SBK1: variants seen among roughly 807,000 people sequenced by gnomAD.
SBK1 encodes serine/threonine-protein kinase SBK1.
A neutral mutation model predicts 24.4 loss-of-function variants in SBK1; 11 were observed. The ratio of observed to expected loss-of-function variants is 0.45; its 90% CI spans 0.28 to 0.75. SBK1 has a LOEUF of 0.75. Ranked by LOEUF, SBK1 falls within the 30% of genes least tolerant of loss-of-function variation. The pLI is 0.12. For synonymous variants in SBK1, 308 were observed against 284.4 expected, an observed-to-expected ratio of 1.08 and a Z score of -0.83; for missense variants, 467 against 620.5, an observed-to-expected ratio of 0.75 and a Z score of 2.63.
chr16:28,275,302 C>A (rs902801942), intron 1 of SBK1, among the ~76,000 whole-genome samples: 2 of 152,122 alleles, frequency 1.3e-5, no homozygotes, highest in Non-Finnish European at 2.9e-5. Flanking sequence ...GAGCGAGACT[C>A]CATCTCTTAA....
upstream of SBK1, chr16:28,292,380 A>T (rs892763076): frequency 1.6e-5 from 2 of 126,022 alleles, no homozygotes; most frequent in South Asian, 3.3e-4. Context: ...GCGCGGCGGG[A>T]GGGCGGGCGC....
chr16:28,309,323 G>C (rs1253553958), intron 1 of SBK1, among the ~76,000 whole-genome samples: 2 of 152,226 alleles, frequency 1.3e-5, no homozygotes, highest in Non-Finnish European at 2.9e-5. Context: ...CTGGATGCAA[G>C]GGAGGCAACG....
chr16:28,319,725 G>A lies in SBK1; in HGVS notation c.430-351G>A, dbSNP rs954413374. Among the ~76,000 whole-genome samples the A allele has an allele frequency of 3.9e-5, 6 of 152,132 alleles. No homozygotes were observed. The highest frequency in any genetic ancestry group is 1.9e-4 in the East Asian group (1 of 5,190). On this transcript the variant is annotated intron_variant, in intron 3 of 3. Coordinates refer to ENST00000341901, the MANE Select transcript of SBK1 (RefSeq NM_001024401.3). This position sits in a 1 kb window ranked among gnomAD's most constrained non-coding sequence, Gnocchi z 4.0. ...CAGGACGGGAAGCTCAGGGAGCCCC[G>A]TTCTAGTTGGGGAAGACCGACGAGA...
intron 1 of SBK1, among the ~76,000 whole-genome samples, chr16:28,315,540 C>T (rs2044788662): frequency 6.6e-6 from 1 of 152,102 alleles, no homozygotes. Flanking sequence ...GTGGAAGGAT[C>T]GCTTGATCTC....
At chr16:28,305,801 A>G (rs2044712665) in intron 1 of SBK1, among the ~76,000 whole-genome samples, 1 of 152,104 alleles carries the variant, frequency 6.6e-6, no homozygotes, top group Non-Finnish European at 1.5e-5. Flanking sequence ...TCAGCCTCCC[A>G]AAGTGCTGGG....
At position 28,279,100 on chromosome 16, in the gene SBK1, G is replaced by A. The variant is rs142324229; in HGVS notation, c.257+19598G>A. Among the ~76,000 whole-genome samples, 206 of 152,082 alleles carry A rather than the reference G, an allele frequency of 1.4e-3. 1 individual carries two copies. Among genetic ancestry groups the A allele is most frequent in the Middle Eastern group, 6.8e-3 (2 of 294 alleles). On this transcript the variant is annotated intron_variant, in intron 1 of 3. Transcript: ENST00000671413. Reference sequence around the variant, plus strand: ...TGTGCACCTGTAATCCCAGCTATGCGGGAGGCTGAGGCAGGAGAATCACTT... The same window carrying A: ...TGTGCACCTGTAATCCCAGCTATGCAGGAGGCTGAGGCAGGAGAATCACTT...
At chr16:28,297,073 T>G (rs1338697743) in intron 1 of SBK1, among the ~76,000 whole-genome samples, 1 of 152,180 alleles carries the variant, frequency 6.6e-6, no homozygotes, top group African/African-American at 2.4e-5. Context: ...CTCACACCTG[T>G]AATCCCACCA....
chr16:28,295,906 A>C (rs917332106), intron 1 of SBK1, among the ~76,000 whole-genome samples: 1 of 148,100 alleles, frequency 6.8e-6, no homozygotes, highest in South Asian at 2.1e-4. Context: ...CTGGGTTTGC[A>C]GGCCCAGAAA....
Position 28,317,295 on chromosome 16 carries a change from A to T in SBK1, c.-7-90A>T. On this transcript the variant is annotated intron_variant, in intron 1 of 3. Coordinates refer to ENST00000341901, the MANE Select transcript of SBK1 (RefSeq NM_001024401.3). The surrounding 1 kb of genome is among the most constrained non-coding windows in gnomAD (Gnocchi z 4.2). ...GGCCTGGCATCCGGGCCCATCCTCA[A>T]GTTTTCTGGGTTCTGGGGAGGGCAG... 1.0e-6 allele frequency: 1 copy of T among 985,622 alleles called. No homozygotes were observed. The highest frequency in any genetic ancestry group is 1.5e-6 in the Non-Finnish European group (1 of 652,662). The allele number at this position is 985,622 out of a possible 1,614,324, so 61.1% of individuals were successfully genotyped here.
At chr16:28,302,252 G>T (rs773647113) in intron 1 of SBK1, among the ~76,000 whole-genome samples, 46 of 152,372 alleles carry the variant, frequency 3.0e-4, no homozygotes, top group Non-Finnish European at 5.3e-4. Context: ...CAACAGCAGA[G>T]GCCAGAGTCT....
At position 28,293,569 on chromosome 16, in the gene SBK1, A is replaced by T. The variant is rs1299579803; in HGVS notation, c.-8+269A>T. Among the ~76,000 whole-genome samples the T allele has an allele frequency of 2.7e-5, 4 of 150,080 alleles. No homozygotes were observed. The East Asian group carries it at 8.0e-4, about 30-fold the overall frequency. On this transcript the variant is annotated intron_variant, in intron 1 of 3. Transcript: ENST00000341901. ...TGGTGGAGCCCGTTGTGCCATGGAG[A>T]GGGGGGAAGAGGGCGGAGAGTCCCC...
intron 1 of SBK1, among the ~76,000 whole-genome samples, chr16:28,309,765 C>A (rs995209050): frequency 1.7e-4 from 26 of 152,162 alleles, no homozygotes; most frequent in Non-Finnish European, 3.4e-4. Context: ...AGCACCCCCC[C>A]TTCTCAGGGG....
chr16:28,271,944 A>C (rs2044468069), intron 1 of SBK1, among the ~76,000 whole-genome samples: 1 of 152,234 alleles, frequency 6.6e-6, no homozygotes, highest in African/African-American at 2.4e-5. Context: ...CTTGGTATTT[A>C]CCCAAATAAG....
intron 1 of SBK1, among the ~76,000 whole-genome samples, chr16:28,280,147 ATATGTGTGTGTG>A (rs1391828882): frequency 4.1e-5 from 2 of 48,380 alleles, no homozygotes; most frequent in African/African-American, 1.2e-4. Flanking sequence ...ATATATATAT[ATATGTGTGTGTG>A]TGTGTGTGTG....
chr16:28,280,149 A>ATATATATATATGTGTGTGTGTGTGTG (rs1230385223), intron 1 of SBK1, among the ~76,000 whole-genome samples: 6 of 39,414 alleles, frequency 1.5e-4, no homozygotes, highest in Admixed American at 3.8e-4. Flanking sequence ...ATATATATAT[A>ATATATATATATGTGTGTGTGTGTGTG]TGTGTGTGTG....
At chr16:28,307,109 G>A (rs779757985) in intron 1 of SBK1, among the ~76,000 whole-genome samples, 7 of 152,186 alleles carry the variant, frequency 4.6e-5, no homozygotes, top group Admixed American at 1.3e-4. Context: ...AGTAACAGCG[G>A]CCGCTGTGAA....
Position 28,259,503 on chromosome 16 carries a change from G to A in SBK1, c.257+1G>A. On this transcript the variant is annotated splice_donor_variant, in intron 1 of 3. Transcript: ENST00000671413. LOFTEE classifies it high-confidence loss of function. This position sits in a 1 kb window ranked among gnomAD's most constrained non-coding sequence, Gnocchi z 6.0. Reference sequence around the variant, plus strand: ...TGCTGGAAGAAGTCCCATTGCGGAGGTCAGTGCTCGTGGGTGGCCAGTGGG... The same window carrying A: ...TGCTGGAAGAAGTCCCATTGCGGAGATCAGTGCTCGTGGGTGGCCAGTGGG... The A allele has an allele frequency of 1.0e-6, 1 of 979,230 alleles. No individual in the cohort carries two copies. Among genetic ancestry groups the A allele is most frequent in the Non-Finnish European group, 1.2e-6 (1 of 824,218 alleles). The allele number at this position is 979,230 out of a possible 1,614,324, so 60.7% of individuals were successfully genotyped here. A position where few individuals can be genotyped will look rare whatever the true frequency, so the allele number is the denominator to read the frequency against.
At chr16:28,301,569 T>C (rs1275708958) in intron 1 of SBK1, among the ~76,000 whole-genome samples, 1 of 152,194 alleles carries the variant, frequency 6.6e-6, no homozygotes, top group Non-Finnish European at 1.5e-5. Context: ...AGGCTCCTCA[T>C]GTGGGAAGTG....
intron 1 of SBK1, among the ~76,000 whole-genome samples, chr16:28,260,220 G>A (rs1441339711): frequency 6.6e-6 from 1 of 152,104 alleles, no homozygotes; most frequent in Non-Finnish European, 1.5e-5. Context: ...AGGTATGAGT[G>A]CTGCATACCT....
Sources: allele counts gnomAD v4.1 joint callset (sites outside exome capture counted in the v4.1 genomes callset), GRCh38; gene constraint gnomAD v4.1.1; non-coding constraint Gnocchi (gnomAD v3.1); transcripts MANE v1.5; gene names NCBI Gene and HGNC (gene_info 2026-07-23, HGNC 2026-07-21).